The following URI1 variants were observed in gnomAD, a reference collection of about 807,000 sequenced individuals.
URI1 encodes URI1 prefoldin like chaperone.
A neutral mutation model predicts 60.2 loss-of-function variants in URI1; 39 were observed. The ratio of observed to expected loss-of-function variants is 0.65; its 90% CI spans 0.50 to 0.85. URI1 has a LOEUF of 0.85. Among genes scored for constraint, URI1 ranks in the 40% least tolerant of loss-of-function variants. The probability of loss-of-function intolerance (pLI) is 0.00; values close to 1 mark genes in which losing one functional copy is unlikely to be tolerated. For missense variants in URI1, 691 were observed against 665.9 expected (o/e 1.04, Z -0.42); for synonymous variants, 251 against 236.8 (o/e 1.06, Z -0.55).
chr19:29,949,276 C>T (rs1481309210), intron 1 of URI1, among the ~76,000 whole-genome samples: 6 of 131,226 alleles, frequency 4.6e-5, no homozygotes, highest in South Asian at 2.7e-4. Context: ...CAGACGGGGT[C>T]GTGGCCGGGC....
chr19:29,983,523 T>C (rs1033615019), intron 2 of URI1, among the ~76,000 whole-genome samples: 1 of 152,224 alleles, frequency 6.6e-6, no homozygotes, highest in Non-Finnish European at 1.5e-5. Context: ...CATTGCAGTT[T>C]ATCCTGATTT....
chr19:29,942,124 C>A, upstream of URI1: 3 of 770,338 alleles, frequency 3.9e-6, no homozygotes, highest in Non-Finnish European at 4.7e-6. Flanking sequence ...CACCGCCAGC[C>A]CCAGCCACGC....
chr19:30,014,762 T>C lies in URI1; in HGVS notation c.1426-125T>C. The C allele has an allele frequency of 5.9e-6, 5 of 847,836 alleles. No individual in the cohort carries two copies. The Admixed American group carries it at 1.2e-4, about 21-fold the overall frequency. The allele number at this position is 847,836 out of a possible 1,614,324, so 52.5% of individuals were successfully genotyped here. On this transcript the variant is annotated intron_variant, in intron 10 of 10. Transcript: ENST00000392271. ...AACAATTAGTATTTTGGTGTAGTAG[T>C]GTTGTCTAGCCAAAAATCTCGTGAA...
intron 1 of URI1, among the ~76,000 whole-genome samples, chr19:29,947,668 G>A (rs1350272773): frequency 2.0e-5 from 3 of 152,186 alleles, no homozygotes. Flanking sequence ...TGGGATGTTA[G>A]TTATATTCTA....
chr19:29,964,107 A>C lies in URI1; in HGVS notation c.118-7086A>C, dbSNP rs149046275. Among the ~76,000 whole-genome samples the C allele has an allele frequency of 6.7e-4, 102 of 152,136 alleles. No individual in the cohort carries two copies. The Middle Eastern group carries it at 0.01, about 15-fold the overall frequency. Reference sequence around the variant, plus strand: ...TTCTGCTAGCCATGGCTGTCTCCTCAGGGCCCAACATAATTCTCAGCCTCT... The same window carrying C: ...TTCTGCTAGCCATGGCTGTCTCCTCCGGGCCCAACATAATTCTCAGCCTCT... On this transcript the variant is annotated intron_variant, in intron 1 of 10. Coordinates refer to ENST00000392271, the MANE Select transcript of URI1 (RefSeq NM_003796.3).
intron 4 of URI1, among the ~76,000 whole-genome samples, chr19:29,989,402 T>C (rs162947): frequency 0.96 from 145,358 of 151,864 alleles, 69,579 homozygotes; most frequent in East Asian, 1. Context: ...CGTGTGCCAT[T>C]GCACCTGGCC....
At chr19:30,010,166 C>T (rs977610504) in intron 8 of URI1, among the ~76,000 whole-genome samples, 5 of 152,272 alleles carry the variant, frequency 3.3e-5, no homozygotes, top group African/African-American at 7.2e-5. Context: ...GGAACTCTTT[C>T]GCCTCTGAGT....
chr19:29,935,937 C>T (rs551468159), intron 1 of URI1, among the ~76,000 whole-genome samples: 31 of 152,068 alleles, frequency 2.0e-4, no homozygotes, highest in African/African-American at 7.5e-4. Flanking sequence ...CAGGCACCCG[C>T]CACCACGCCT....
chr19:29,937,384 CT>C (rs574253030), upstream of URI1, among the ~76,000 whole-genome samples: 6 of 152,058 alleles, frequency 3.9e-5, no homozygotes, highest in Admixed American at 1.3e-4. Flanking sequence ...CTATTGAATT[CT>C]TTTTTTCCCC....
intron 4 of URI1, among the ~76,000 whole-genome samples, chr19:29,998,354 T>G (rs1283582112): frequency 6.6e-6 from 1 of 152,140 alleles, no homozygotes; most frequent in East Asian, 1.9e-4. Flanking sequence ...TAATTGGTCT[T>G]TAGTGGTGTT....
At chr19:29,962,002 G>T (rs1195195581) in intron 1 of URI1, among the ~76,000 whole-genome samples, 1 of 152,094 alleles carries the variant, frequency 6.6e-6, no homozygotes, top group Non-Finnish European at 1.5e-5. Flanking sequence ...ATTCTTCTGG[G>T]TATGCTCAGA....
chr19:29,997,919 C>G (rs2055832710), intron 4 of URI1, among the ~76,000 whole-genome samples: 1 of 152,074 alleles, frequency 6.6e-6, no homozygotes, highest in Admixed American at 6.6e-5. Flanking sequence ...TGAGGGCTAC[C>G]ATGCCTGGCT....
In URI1 at chr19:29,971,070, AAAAT is replaced by A; in HGVS notation, c.118-122_118-119del. Reference sequence around the variant, plus strand: ...CACATCTCTGTGCATTTGACAAATAAAAATGTATACTGAGATGCTATTAAATCTG... The same window carrying A: ...CACATCTCTGTGCATTTGACAAATAAGTATACTGAGATGCTATTAAATCTG... On this transcript the variant is annotated intron_variant, in intron 1 of 10. Transcript: ENST00000392271. The A allele has an allele frequency of 2.2e-6, 2 of 911,490 alleles. 1 individual carries two copies. The highest frequency in any genetic ancestry group is 3.0e-5 in the South Asian group (2 of 67,250). 56.5% of individuals were successfully genotyped at this position (911,490 alleles called of 1,614,324 possible).
chr19:30,011,205 C>G lies in URI1; in HGVS notation c.1147C>G (p.Pro383Ala). Reference protein sequence around the residue: ...TGSGHSAQELPTIRTPADIYR... With the variant: ...TGSGHSAQELATIRTPADIYR... Reference sequence around the variant, plus strand: ...CAGTGGCCACTCTGCCCAGGAGCTGCCGACCATCAGGACGCCTGCAGACAT... The same window carrying G: ...CAGTGGCCACTCTGCCCAGGAGCTGGCGACCATCAGGACGCCTGCAGACAT... The change falls in exon 9 of 11, where the codon CCG becomes GCG. Residue 383 changes from proline (P) to alanine (A), a missense_variant. By Grantham distance (27) the Pro-to-Ala change is conservative (BLOSUM62 -1). Coordinates refer to ENST00000392271, the MANE Select transcript of URI1 (RefSeq NM_003796.3). 1 of 1,610,000 alleles carries G rather than the reference C, an allele frequency of 6.2e-7. No individual in the cohort carries two copies. The highest frequency in any genetic ancestry group is 8.5e-7 in the Non-Finnish European group (1 of 1,178,496).
At chr19:29,975,500 C>CTTTTTTTT (rs10717602) in intron 2 of URI1, among the ~76,000 whole-genome samples, 1 of 72,364 alleles carries the variant, frequency 1.4e-5, no homozygotes, top group African/African-American at 5.1e-5. Flanking sequence ...GTTCTGTTTA[C>CTTTTTTTT]TTTTTTTTTT....
chr19:29,975,341 AAG>A (rs1329917695), intron 2 of URI1, among the ~76,000 whole-genome samples: 1 of 152,088 alleles, frequency 6.6e-6, no homozygotes, highest in Non-Finnish European at 1.5e-5. Context: ...ATATATCTTT[AAG>A]AGACAAGAAA....
chr19:29,928,665 A>G (rs1186007023), intron 1 of URI1, among the ~76,000 whole-genome samples: 1 of 152,226 alleles, frequency 6.6e-6, no homozygotes, highest in African/African-American at 2.4e-5. Flanking sequence ...ATTGCCAGAT[A>G]AAATACAAGA....
intron 2 of URI1, among the ~76,000 whole-genome samples, chr19:29,980,640 C>G: frequency 3.2e-5 from 1 of 31,402 alleles, no homozygotes; most frequent in African/African-American, 9.7e-5. Context: ...AAAAAAAAAA[C>G]TGGGCCAGGC....
At chr19:29,930,617 G>T (rs746133115) in intron 1 of URI1, among the ~76,000 whole-genome samples, 2 of 151,884 alleles carry the variant, frequency 1.3e-5, no homozygotes, top group Non-Finnish European at 2.9e-5. Context: ...TCAAAAATCA[G>T]TACGCGAGAG....
Sources: gnomAD v4.1 joint callset for allele counts (sites outside exome capture counted in the v4.1 genomes callset) on GRCh38, gnomAD v4.1.1 for gene constraint, MANE v1.5 for transcripts, NCBI Gene and HGNC (gene_info 2026-07-23, HGNC 2026-07-21) for gene names.